EDIL3: variants seen among roughly 807,000 people sequenced by gnomAD.
EDIL3 encodes EGF like and discoidin domains 3, also known as EGF-like repeat and discoidin I-like domain-containing protein 3.
EDIL3 carries 37 observed loss-of-function variants against 67.4 expected under a neutral mutation model. The observed-to-expected ratio is 0.55, with a 90% CI of 0.42 to 0.72. The LOEUF (loss-of-function observed/expected upper bound fraction) is 0.72. Ranked by LOEUF, EDIL3 falls within the 30% of genes least tolerant of loss-of-function variation. The pLI, the probability that EDIL3 is intolerant of heterozygous loss-of-function variation, is 0.00. For synonymous variants in EDIL3, 195 were observed against 196.3 expected, an observed-to-expected ratio of 0.99 and a Z score of 0.05; for missense variants, 527 against 586.3, an observed-to-expected ratio of 0.90 and a Z score of 1.04.
rs752603385 is a variant in EDIL3 at position 84,064,838 on chromosome 5, G to A, written c.814C>T (p.Arg272Cys). The A allele has an allele frequency of 1.6e-5, 25 of 1,608,054 alleles. No individual in the cohort carries two copies. Among genetic ancestry groups the A allele is most frequent in the Middle Eastern group, 1.7e-4 (1 of 6,048 alleles). ...VKGTNEDMVF[R>C]GNIDNNTPYA... ...GGAGTGTTGTTATCAATGTTTCCAC[G>A]AAACACCTGTGTAAAAACAGTTTAA... Residue 272 changes from arginine to cysteine, a missense_variant, in exon 8 of 11, where the codon CGT (arginine) becomes TGT (cysteine). By Grantham distance (180) the Arg-to-Cys change is radical. Around this residue, in one of 2 missense-constraint regions of EDIL3, gnomAD observed 494 missense variants for 522.5 expected, o/e 0.95. Coordinates refer to ENST00000296591, the MANE Select transcript of EDIL3 (RefSeq NM_005711.5).
At chr5:84,229,930 GGGAGGGA>G in intron 2 of EDIL3, 46 bp from the exon 3 acceptor site, 1 of 1,534,480 alleles carries the variant, frequency 6.5e-7, no homozygotes, top group African/African-American at 1.4e-5. Context: ...TAGAAGTGAA[GGGAGGGA>G]GAAGGGGGGA....
rs186803217 is a variant in EDIL3, at chr5:84,094,776, A to C, written c.651+11873T>G. 3.9e-4 allele frequency among the ~76,000 whole-genome samples: 60 copies of C among 152,356 alleles called. 1 individual carries two copies. In the East Asian group the frequency reaches 0.011, roughly 28 times the overall value. ...ACTTAATTCCCTTTTGGGCCGATAT[A>C]TTCTACATTAACTATAATTTTCTTA... is the stretch of plus-strand genomic sequence containing the variant. On this transcript the variant is annotated intron_variant, in intron 6 of 10. Coordinates refer to ENST00000296591, the MANE Select transcript of EDIL3 (RefSeq NM_005711.5).
chr5:84,056,611 T>C (rs897603310), intron 9 of EDIL3, among the ~76,000 whole-genome samples: 5 of 152,098 alleles, frequency 3.3e-5, no homozygotes, highest in Non-Finnish European at 7.4e-5. Flanking sequence ...TTGCCAGATA[T>C]CTGATTAGGT....
chr5:84,002,246 C>A (rs541620350), intron 9 of EDIL3, among the ~76,000 whole-genome samples: 257 of 152,148 alleles, frequency 1.7e-3, no homozygotes, highest in African/African-American at 5.9e-3. Flanking sequence ...CATGATAAAA[C>A]CCCTCAAATA....
chr5:84,132,765 T>C (rs1419293292), intron 5 of EDIL3, among the ~76,000 whole-genome samples: 1 of 150,596 alleles, frequency 6.6e-6, no homozygotes, highest in Non-Finnish European at 1.5e-5. Context: ...TATTTTAATA[T>C]CCTTATCACA....
At chr5:84,360,981 T>C (rs1405298216) in intron 1 of EDIL3, among the ~76,000 whole-genome samples, 4 of 152,098 alleles carry the variant, frequency 2.6e-5, no homozygotes, top group Non-Finnish European at 5.9e-5. Context: ...AGACACCATA[T>C]AACATATTAA....
chr5:84,020,181 C>G (rs1745690255), intron 9 of EDIL3, among the ~76,000 whole-genome samples: 1 of 151,496 alleles, frequency 6.6e-6, no homozygotes, highest in African/African-American at 2.4e-5. Flanking sequence ...GGATACATAT[C>G]GAAAACATTT....
chr5:84,322,447 G>C (rs1248598415), intron 1 of EDIL3, among the ~76,000 whole-genome samples: 2 of 152,066 alleles, frequency 1.3e-5, no homozygotes, highest in African/African-American at 4.8e-5. Flanking sequence ...TTCATTAGAA[G>C]TATCCAATGG....
At chr5:84,063,866 G>C (rs1349128499) in intron 8 of EDIL3, among the ~76,000 whole-genome samples, 2 of 152,066 alleles carry the variant, frequency 1.3e-5, no homozygotes, top group African/African-American at 4.8e-5. Context: ...AATAATTTCA[G>C]GCCACTGCAG....
chr5:83,982,896 C>T (rs1744995023), intron 9 of EDIL3, among the ~76,000 whole-genome samples: 1 of 152,128 alleles, frequency 6.6e-6, no homozygotes, highest in Non-Finnish European at 1.5e-5. Context: ...TTGGACCCTA[C>T]AAAAGGGCTC....
intron 1 of EDIL3, among the ~76,000 whole-genome samples, chr5:84,382,906 C>T (rs1440739291): frequency 1.3e-5 from 2 of 152,156 alleles, no homozygotes; most frequent in Admixed American, 1.3e-4. Context: ...AGGCAAGGCG[C>T]GGCCATGGAT....
intron 9 of EDIL3, among the ~76,000 whole-genome samples, chr5:83,986,003 A>G (rs1745052605): frequency 6.6e-6 from 1 of 152,092 alleles, no homozygotes; most frequent in Admixed American, 6.6e-5. Flanking sequence ...CAGGGCTGCA[A>G]TGTAGAACAC....
chr5:84,269,228 T>G (rs1346447294), intron 1 of EDIL3, among the ~76,000 whole-genome samples: 1 of 152,314 alleles, frequency 6.6e-6, no homozygotes, highest in South Asian at 2.1e-4. Context: ...TTTCACTTTT[T>G]TCAGCAAATA....
chr5:84,072,102 A>T (rs1057079214), intron 6 of EDIL3, among the ~76,000 whole-genome samples: 4 of 152,144 alleles, frequency 2.6e-5, no homozygotes, highest in South Asian at 2.1e-4. Flanking sequence ...GAGATAAAAA[A>T]ATGGGTTTCT....
intron 6 of EDIL3, among the ~76,000 whole-genome samples, chr5:84,083,988 T>G (rs114620693): frequency 0.038 from 5,793 of 152,094 alleles, 171 homozygotes; most frequent in Non-Finnish European, 0.051. Context: ...GAAGAAGATG[T>G]GGAATTGTGG....
intron 1 of EDIL3, among the ~76,000 whole-genome samples, chr5:84,357,150 C>A (rs1302248835): frequency 6.6e-6 from 1 of 151,868 alleles, no homozygotes; most frequent in African/African-American, 2.4e-5. Flanking sequence ...GTGTTGAACA[C>A]CTGACCTCAA....
At position 83,942,982 on chromosome 5, in the gene EDIL3, GA is replaced by G. The variant is rs1035039241; in HGVS notation, c.*436del. The stretch of plus-strand genomic sequence containing the variant: ...AGGATAACGTAGAGTCATTACAGAA[GA>G]AAAAAACTTATTGCTAACATTGCAG... On this transcript the variant is annotated 3_prime_UTR_variant, in exon 11 of 11. Transcript: ENST00000296591. 1.3e-4 allele frequency: 23 copies of G among 176,028 alleles called. No homozygotes were observed. Among genetic ancestry groups the G allele is most frequent in the South Asian group, 1.0e-3 (9 of 8,670 alleles). The allele number at this position is 176,028 out of a possible 1,614,324, so 10.9% of individuals were successfully genotyped here. A position where few individuals can be genotyped will look rare whatever the true frequency, so the allele number is the denominator to read the frequency against.
At chr5:84,330,095 A>C (rs969590984) in intron 1 of EDIL3, among the ~76,000 whole-genome samples, 3 of 152,178 alleles carry the variant, frequency 2.0e-5, no homozygotes, top group Non-Finnish European at 4.4e-5. Context: ...TATTATAGAT[A>C]GTTATTAAGT....
At chr5:83,952,838 CA>C (rs1205511526) in intron 10 of EDIL3, among the ~76,000 whole-genome samples, 2 of 151,834 alleles carry the variant, frequency 1.3e-5, no homozygotes, top group Non-Finnish European at 2.9e-5. Context: ...TTCCTCACTT[CA>C]AGTCTCATTG....
Sources: allele counts gnomAD v4.1 joint callset (sites outside exome capture counted in the v4.1 genomes callset), GRCh38; gene constraint gnomAD v4.1.1; regional missense constraint gnomAD v4.1.1; transcripts MANE v1.5; gene names NCBI Gene and HGNC (gene_info 2026-07-23, HGNC 2026-07-21).